The following MTHFD1L variants were observed in gnomAD, a reference collection of about 807,000 sequenced individuals.
The protein encoded by MTHFD1L is monofunctional C1-tetrahydrofolate synthase, mitochondrial.
MTHFD1L carries 81 observed loss-of-function variants against 119.5 expected under a neutral mutation model. That is an observed-to-expected ratio of 0.68 (90% CI 0.57 to 0.82). MTHFD1L has a LOEUF of 0.82. Among genes scored for constraint, MTHFD1L ranks in the 40% least tolerant of loss-of-function variants. MTHFD1L has a pLI of 0.00. For missense variants in MTHFD1L, 1,125 were observed against 1,253.4 expected, an observed-to-expected ratio of 0.90 and a Z score of 1.55; for synonymous variants, 430 against 475.2, an observed-to-expected ratio of 0.90 and a Z score of 1.24.
chr6:150,974,285 A>C (rs9478880), intron 20 of MTHFD1L, among the ~76,000 whole-genome samples: 29,343 of 152,190 alleles, frequency 0.19, 2,929 homozygotes, highest in Middle Eastern at 0.3. Context: ...GGCACCTGAC[A>C]CATGGTAAGA....
chr6:151,047,960 A>C (rs2018648), intron 26 of MTHFD1L, among the ~76,000 whole-genome samples: 67,940 of 151,932 alleles, frequency 0.45, 16,918 homozygotes, highest in South Asian at 0.67. Flanking sequence ...GGAAGCAAGC[A>C]CATCTTCACA....
chr6:150,985,443 A>T (rs919531851), intron 20 of MTHFD1L, among the ~76,000 whole-genome samples: 1 of 152,024 alleles, frequency 6.6e-6, no homozygotes, highest in Admixed American at 6.6e-5. Context: ...TGGGAGGCCG[A>T]GGCGGGTGGA....
intron 11 of MTHFD1L, among the ~76,000 whole-genome samples, chr6:150,932,590 T>C (rs2128925260): frequency 6.6e-6 from 1 of 151,954 alleles, no homozygotes; most frequent in Non-Finnish European, 1.5e-5. Flanking sequence ...GCCAACAAGG[T>C]GAAACCCCGT....
intron 1 of MTHFD1L, among the ~76,000 whole-genome samples, chr6:150,873,699 C>G (rs1018273350): frequency 6.6e-6 from 1 of 152,042 alleles, no homozygotes; most frequent in Non-Finnish European, 1.5e-5. Context: ...GACAGAGTCT[C>G]GCTCTGTCAC....
chr6:151,070,648 C>T (rs976076041), intron 26 of MTHFD1L, among the ~76,000 whole-genome samples: 1 of 152,188 alleles, frequency 6.6e-6, no homozygotes, highest in African/African-American at 2.4e-5. Context: ...AGCACAAAAC[C>T]AGCCGTACTC....
chr6:151,099,972 A>T, intron 27 of MTHFD1L: 1 of 874,112 alleles, frequency 1.1e-6, no homozygotes, highest in Non-Finnish European at 1.9e-6. Flanking sequence ...ATAAATGTAA[A>T]AACAGCCATC....
intron 8 of MTHFD1L, among the ~76,000 whole-genome samples, chr6:150,909,273 A>C (rs1330859874): frequency 1.3e-5 from 2 of 151,914 alleles, no homozygotes; most frequent in South Asian, 2.1e-4. Context: ...CTTTAAAAAA[A>C]AAAAAAAAGA....
chr6:151,098,803 T>C (rs1165302810), intron 27 of MTHFD1L, among the ~76,000 whole-genome samples: 1 of 152,234 alleles, frequency 6.6e-6, no homozygotes, highest in Non-Finnish European at 1.5e-5. Context: ...CATTCTCACC[T>C]TAGCTATTGC....
chr6:151,041,719 C>G, intron 26 of MTHFD1L: 2 of 488,900 alleles, frequency 4.1e-6, no homozygotes, highest in South Asian at 3.1e-5. Flanking sequence ...CATACAGGCA[C>G]AGAATGCGGC....
chr6:150,901,630 C>G (rs768876911), intron 7 of MTHFD1L, among the ~76,000 whole-genome samples: 2 of 152,194 alleles, frequency 1.3e-5, no homozygotes, highest in Non-Finnish European at 2.9e-5. Flanking sequence ...AAGGGACCAC[C>G]TCAGTGTGGT....
intron 9 of MTHFD1L, 40 bp from the exon 10 acceptor site, chr6:150,922,165 T>G: frequency 6.8e-7 from 1 of 1,470,778 alleles, no homozygotes; most frequent in Non-Finnish European, 9.5e-7. Context: ...CTGTCAGCTT[T>G]TACCATTCTA....
At chr6:151,082,814 T>TA (rs1793332126) in intron 26 of MTHFD1L, among the ~76,000 whole-genome samples, 8 of 151,056 alleles carry the variant, frequency 5.3e-5, no homozygotes, top group South Asian at 2.1e-4. Flanking sequence ...ACAATCACAA[T>TA]CAAAAAAAAC....
intron 8 of MTHFD1L, among the ~76,000 whole-genome samples, chr6:150,912,359 T>C (rs1787058733): frequency 6.6e-6 from 1 of 152,218 alleles, no homozygotes; most frequent in Non-Finnish European, 1.5e-5. Flanking sequence ...TTCCTGATTT[T>C]AAAACCTCGC....
rs761328391 is a variant in MTHFD1L, at chr6:150,885,583, A to AT, written c.543-44dup. ...AATATATGTACATTACACGTGAGTG[A>AT]TTTTTTTGGCTGGGCTTTGACTTAA... On this transcript the variant is annotated intron_variant, in intron 5 of 27. Coordinates refer to ENST00000367321, the MANE Select transcript of MTHFD1L (RefSeq NM_015440.5). The AT allele has an allele frequency of 2.8e-6, 4 of 1,421,552 alleles. No homozygotes were observed. The Admixed American group carries it at 5.1e-5, about 18-fold the overall frequency. The allele number at this position is 1,421,552 out of a possible 1,614,324, so 88.1% of individuals were successfully genotyped here. A position where few individuals can be genotyped will look rare whatever the true frequency, so the allele number is the denominator to read the frequency against.
intron 24 of MTHFD1L, among the ~76,000 whole-genome samples, chr6:151,031,227 C>G (rs897921927): frequency 2.0e-5 from 3 of 152,238 alleles, no homozygotes; most frequent in Non-Finnish European, 4.4e-5. Flanking sequence ...CGACTTCCTT[C>G]TAACGTTTGT....
At chr6:150,951,925 A>C (rs1354568088) in intron 16 of MTHFD1L, among the ~76,000 whole-genome samples, 1 of 152,162 alleles carries the variant, frequency 6.6e-6, no homozygotes, top group African/African-American at 2.4e-5. Context: ...GCTAAAAGAG[A>C]AAGTTTTATG....
chr6:150,963,926 G>T (rs370984649), intron 18 of MTHFD1L, among the ~76,000 whole-genome samples: 66 of 152,336 alleles, frequency 4.3e-4, no homozygotes, highest in Admixed American at 6.5e-4. Flanking sequence ...CTAGCACTTT[G>T]AGAGGCCGAG....
chr6:151,088,735 G>A (rs566163176), intron 26 of MTHFD1L, among the ~76,000 whole-genome samples: 1 of 151,594 alleles, frequency 6.6e-6, no homozygotes, highest in African/African-American at 2.4e-5. Flanking sequence ...GGGATTACAG[G>A]CATGAGCCAC....
chr6:151,001,262 T>G (rs1300348185), intron 20 of MTHFD1L, among the ~76,000 whole-genome samples: 6 of 152,190 alleles, frequency 3.9e-5, no homozygotes, highest in Admixed American at 3.9e-4. Flanking sequence ...TTTCTTTATC[T>G]TCTGAGTACC....
Sources: allele counts gnomAD v4.1 joint callset (sites outside exome capture counted in the v4.1 genomes callset), GRCh38; gene constraint gnomAD v4.1.1; transcripts MANE v1.5; gene names NCBI Gene and HGNC (gene_info 2026-07-23, HGNC 2026-07-21).